Variants in HIVEP1 observed in about 807,000 individuals in gnomAD.
HIVEP1 encodes the protein HIVEP zinc finger 1.
Under a neutral mutation model 180.0 loss-of-function variants are expected in HIVEP1, and 36 were observed. That is an observed-to-expected ratio of 0.20 (90% CI 0.15 to 0.26). The LOEUF (loss-of-function observed/expected upper bound fraction) is 0.26. HIVEP1 is among the 10% of genes least tolerant of loss of function. The probability of loss-of-function intolerance (pLI) is 1.00; values close to 1 mark genes in which losing one functional copy is unlikely to be tolerated. For synonymous variants in HIVEP1, 1,239 were observed against 1,239.0 expected (o/e 1.00, Z 0.00); for missense variants, 3,143 against 3,268.7 (o/e 0.96, Z 0.94).
Position 12,125,269 on chromosome 6 carries a change from A to T in HIVEP1, c.5474A>T (p.Asn1825Ile). The T allele has an allele frequency of 6.2e-7, 1 of 1,614,128 alleles. No individual in the cohort carries two copies. Among genetic ancestry groups the T allele is most frequent in the Non-Finnish European group, 8.5e-7 (1 of 1,180,008 alleles). Residue 1825 changes from asparagine (N) to isoleucine (I), a missense_variant, in exon 4 of 9, where the codon AAT (asparagine) becomes ATT (isoleucine). Coordinates refer to ENST00000379388, the MANE Select transcript of HIVEP1 (RefSeq NM_002114.4). ...KDVFSQPEIS[N>I]EAVNLTNVLP... ...GTTTTTTCTCAACCTGAAATTAGTA[A>T]TGAGGCTGTTAATTTGACAAATGTT...
At position 12,122,937 on chromosome 6, in the gene HIVEP1, A is replaced by T; in HGVS notation, c.3142A>T (p.Ser1048Cys). The T allele has an allele frequency of 6.2e-7, 1 of 1,613,912 alleles. No individual in the cohort carries two copies. Among genetic ancestry groups the T allele is most frequent in the African/African-American group, 1.3e-5 (1 of 74,982 alleles). Residue 1048 changes from serine (S) to cysteine (C), a missense_variant, in exon 4 of 9, where the codon AGT (serine) becomes TGT (cysteine). Ser to Cys is a moderately radical substitution (Grantham distance 112). Around this residue, in one of 12 missense-constraint regions of HIVEP1, gnomAD observed 1,357 missense variants for 1,260.5 expected, o/e 1.08. Transcript: ENST00000379388. The part of the protein sequence containing the change: ...GDDEELQQNE[S>C]GTSPKSSEGL... ...TGATGAAGAACTTCAGCAAAATGAAAGTGGAACATCTCCAAAAAGTTCTGA... is the reference window on the plus strand; with the variant it reads ...TGATGAAGAACTTCAGCAAAATGAATGTGGAACATCTCCAAAAAGTTCTGA...
At chr6:12,047,436 A>G (rs1561886255) in intron 2 of HIVEP1, among the ~76,000 whole-genome samples, 1 of 152,238 alleles carries the variant, frequency 6.6e-6, no homozygotes, top group Admixed American at 6.5e-5. Context: ...TTCGGAAGGC[A>G]TAACTGGGCG....
intron 3 of HIVEP1, among the ~76,000 whole-genome samples, chr6:12,108,374 C>G (rs749339319): frequency 2.0e-5 from 3 of 152,248 alleles, no homozygotes; most frequent in Non-Finnish European, 4.4e-5. Context: ...CTGCCAGTCC[C>G]GTGCACTGCG....
intron 2 of HIVEP1, among the ~76,000 whole-genome samples, chr6:12,036,195 A>T (rs1197875806): frequency 6.6e-6 from 1 of 152,246 alleles, no homozygotes; most frequent in Non-Finnish European, 1.5e-5. Flanking sequence ...AAGCAAAAAG[A>T]TATTTGTTCA....
At chr6:12,032,845 A>G (rs1769040915) in intron 2 of HIVEP1, among the ~76,000 whole-genome samples, 3 of 152,226 alleles carry the variant, frequency 2.0e-5, no homozygotes, top group Non-Finnish European at 4.4e-5. Context: ...TATTTTATAT[A>G]CTAACTGAAA....
Position 12,148,185 on chromosome 6 carries a change from A to C in HIVEP1, c.6487+12293A>C, listed in dbSNP as rs117562755. On this transcript the variant is annotated intron_variant, in intron 7 of 8. Transcript: ENST00000379388. The stretch of plus-strand genomic sequence containing the variant: ...AGGAGAATAAAATGTTTCTGGTGCT[A>C]CAGTTTCAAGTTTTGAAGTGGACAG... 1.2e-3 allele frequency among the ~76,000 whole-genome samples: 181 copies of C among 152,344 alleles called. 5 individuals carry two copies. In the East Asian group the frequency reaches 0.034, roughly 28 times the overall value.
downstream of HIVEP1, among the ~76,000 whole-genome samples, chr6:12,168,490 A>T (rs1760820373): frequency 6.6e-6 from 1 of 150,680 alleles, no homozygotes; most frequent in Admixed American, 6.7e-5. Context: ...GAATAGCAAA[A>T]TGTTTTTCTA....
At chr6:12,118,141 G>GT (rs376648879) in intron 3 of HIVEP1, among the ~76,000 whole-genome samples, 97,141 of 134,872 alleles carry the variant, frequency 0.72, 31,877 homozygotes, top group Middle Eastern at 0.81. Context: ...ACCCCCTTTT[G>GT]TTTTTTTTTT....
At chr6:12,191,164 A>G in the HIVEP1 span, among the ~76,000 whole-genome samples, 66 of 152,382 alleles carry the variant, frequency 4.3e-4, no homozygotes, top group South Asian at 0.012. Context: ...AATTCTCACA[A>G]TAGCATTCTA....
At chr6:12,021,131 T>A (rs1768174110) in intron 2 of HIVEP1, among the ~76,000 whole-genome samples, 1 of 152,070 alleles carries the variant, frequency 6.6e-6, no homozygotes, top group Admixed American at 6.6e-5. Flanking sequence ...TAACCTCAGG[T>A]GATCCAACCG....
intron 2 of HIVEP1, among the ~76,000 whole-genome samples, chr6:12,032,114 A>T (rs1245046854): frequency 1.3e-5 from 2 of 149,682 alleles, no homozygotes; most frequent in East Asian, 2.0e-4. Flanking sequence ...CCTACTACTG[A>T]TGCAAATGTT....
rs577022973 is a variant in HIVEP1, at chr6:12,045,073, T to G, written c.40+29405T>G. On this transcript the variant is annotated intron_variant, in intron 2 of 8. Coordinates refer to ENST00000379388, the MANE Select transcript of HIVEP1 (RefSeq NM_002114.4). Reference sequence around the variant, plus strand: ...TGAGTTGTTTAGAACACTAGACTAATGAGATCACCAGGGTGATGAAACATT... The same window carrying G: ...TGAGTTGTTTAGAACACTAGACTAAGGAGATCACCAGGGTGATGAAACATT... 2.1e-3 allele frequency among the ~76,000 whole-genome samples: 315 copies of G among 152,360 alleles called. 2 individuals are homozygous for G. The highest frequency in any genetic ancestry group is 3.7e-3 in the Non-Finnish European group (252 of 68,022).
intron 3 of HIVEP1, among the ~76,000 whole-genome samples, chr6:12,119,146 G>C (rs561055878): frequency 2.0e-5 from 3 of 152,214 alleles, no homozygotes; most frequent in African/African-American, 7.2e-5. Context: ...CAGGAGATGG[G>C]CTCAATTCTG....
intron 3 of HIVEP1, among the ~76,000 whole-genome samples, chr6:12,104,424 CCTTTT>C (rs1774306592): frequency 1.3e-5 from 1 of 79,796 alleles, no homozygotes; most frequent in African/African-American, 4.4e-5. Flanking sequence ...CCTTTTCTTT[CCTTTT>C]TTTTTTTTTT....
chr6:12,167,863 AATAT>A (rs1162239351), downstream of HIVEP1, among the ~76,000 whole-genome samples: 5 of 144,264 alleles, frequency 3.5e-5, no homozygotes, highest in Non-Finnish European at 6.1e-5. Context: ...GTGCGTATAT[AATAT>A]ATACACATGT....
At chr6:12,036,577 G>A (rs780583695) in intron 2 of HIVEP1, among the ~76,000 whole-genome samples, 5 of 152,138 alleles carry the variant, frequency 3.3e-5, no homozygotes, top group African/African-American at 4.8e-5. Context: ...TCCTGTAGGC[G>A]GACACATAAG....
rs1370902595 is a variant in HIVEP1 at position 12,122,586 on chromosome 6, G to A, written c.2791G>A (p.Glu931Lys). 1.9e-6 allele frequency: 3 copies of A among 1,614,206 alleles called. No individual in the cohort carries two copies. The highest frequency in any genetic ancestry group is 4.5e-5 in the East Asian group (2 of 44,894). Residue 931 changes from glutamate (E) to lysine (K), a missense_variant, in exon 4 of 9, where the codon GAA becomes AAA. This residue lies in a region of HIVEP1 where 204 missense variants were observed against 243.7 expected (regional missense o/e 0.84). Transcript: ENST00000379388. ...ESHQGCHAAG[E>K]AMSVRSKALA... ...CCACCAAGGATGCCATGCTGCTGGT[G>A]AAGCCATGTCAGTGAGGAGCAAGGC... is the stretch of plus-strand genomic sequence containing the variant.
intron 2 of HIVEP1, among the ~76,000 whole-genome samples, chr6:12,059,411 A>C (rs1208368326): frequency 2.0e-5 from 3 of 152,184 alleles, no homozygotes; most frequent in African/African-American, 7.2e-5. Context: ...CCCGCTAAAC[A>C]TTTAGAACCA....
At chr6:12,057,548 T>C (rs957142585) in intron 2 of HIVEP1, among the ~76,000 whole-genome samples, 4 of 152,180 alleles carry the variant, frequency 2.6e-5, no homozygotes, top group Admixed American at 2.6e-4. Context: ...CTTGAAGAGG[T>C]TACCTCCATT....
Sources: allele counts gnomAD v4.1 joint callset (sites outside exome capture counted in the v4.1 genomes callset), GRCh38; gene constraint gnomAD v4.1.1; regional missense constraint gnomAD v4.1.1; transcripts MANE v1.5; gene names NCBI Gene and HGNC (gene_info 2026-07-23, HGNC 2026-07-21).